Variants in MACROD2 observed in about 807,000 individuals in gnomAD.
The protein encoded by MACROD2 is ADP-ribose glycohydrolase MACROD2.
In MACROD2, 36 loss-of-function variants were observed where a neutral mutation model predicts 70.4. That is an observed-to-expected ratio of 0.51 (90% CI 0.39 to 0.68). The LOEUF (loss-of-function observed/expected upper bound fraction) is 0.68. MACROD2 is among the 30% of genes least tolerant of loss of function. The pLI is 0.00. For missense variants in MACROD2, 496 were observed against 538.4 expected, an observed-to-expected ratio of 0.92 and a Z score of 0.78; for synonymous variants, 172 against 178.8, an observed-to-expected ratio of 0.96 and a Z score of 0.30.
intron 3 of MACROD2, among the ~76,000 whole-genome samples, chr20:14,401,540 C>T (rs924907585): frequency 3.9e-5 from 6 of 152,040 alleles, no homozygotes; most frequent in Non-Finnish European, 8.8e-5. Context: ...CTAAATAAGT[C>T]ACACTTATTT....
intron 6 of MACROD2, among the ~76,000 whole-genome samples, chr20:15,360,139 G>T (rs1047769451): frequency 1.3e-5 from 2 of 152,010 alleles, no homozygotes; most frequent in Non-Finnish European, 2.9e-5. Flanking sequence ...TTCTCCACTC[G>T]GTATAATGAC....
chr20:14,517,735 T>C, intron 4 of MACROD2, among the ~76,000 whole-genome samples: 1 of 152,178 alleles, frequency 6.6e-6, no homozygotes, highest in South Asian at 2.1e-4. Flanking sequence ...TAGAAGTTCA[T>C]TTTTTTCCAC....
At chr20:15,111,254 A>T (rs413218) in intron 5 of MACROD2, among the ~76,000 whole-genome samples, 1 of 151,056 alleles carries the variant, frequency 6.6e-6, no homozygotes. Context: ...CTCACTGCAA[A>T]CTCTGCCACC....
chr20:14,170,119 C>T (rs953530211), intron 3 of MACROD2, among the ~76,000 whole-genome samples: 4 of 152,144 alleles, frequency 2.6e-5, no homozygotes, highest in Admixed American at 1.3e-4. Flanking sequence ...GTCTCGAACT[C>T]CTGATCTCAT....
chr20:14,324,663 C>T (rs1251777825), intron 3 of MACROD2: 1 of 152,004 alleles, frequency 6.6e-6, no homozygotes, highest in Non-Finnish European at 1.5e-5. Context: ...TAAACACTAA[C>T]AATTTTGTGT....
intron 3 of MACROD2, among the ~76,000 whole-genome samples, chr20:14,485,576 C>CTGTA (rs1464513153): frequency 6.6e-6 from 1 of 151,828 alleles, no homozygotes; most frequent in African/African-American, 2.4e-5. Context: ...TGGCAGGCAC[C>CTGTA]TGTAGTCCCA....
chr20:14,799,541 A>G (rs974767605), intron 5 of MACROD2, among the ~76,000 whole-genome samples: 6 of 152,124 alleles, frequency 3.9e-5, no homozygotes, highest in Non-Finnish European at 8.8e-5. Flanking sequence ...TAATAGGGTA[A>G]CATAACATCA....
intron 5 of MACROD2, among the ~76,000 whole-genome samples, chr20:14,802,857 GA>G (rs982070977): frequency 6.7e-6 from 1 of 149,758 alleles, no homozygotes; most frequent in African/African-American, 2.5e-5. Context: ...ATCTGCAAAA[GA>G]TTTTTTTTTC....
chr20:15,227,753 A>G (rs1342259028), intron 5 of MACROD2, among the ~76,000 whole-genome samples: 1 of 146,580 alleles, frequency 6.8e-6, no homozygotes, highest in Non-Finnish European at 1.5e-5. Context: ...GAGACGCACA[A>G]CTCCTTACGG....
intron 7 of MACROD2, among the ~76,000 whole-genome samples, chr20:15,497,877 A>G (rs1404222284): frequency 6.6e-6 from 1 of 152,048 alleles, no homozygotes; most frequent in Non-Finnish European, 1.5e-5. Flanking sequence ...CCTCCCCTAG[A>G]CTTTGGGCTT....
At chr20:14,072,487 C>A (rs1158785736) in intron 2 of MACROD2, among the ~76,000 whole-genome samples, 1 of 146,350 alleles carries the variant, frequency 6.8e-6, no homozygotes, top group Non-Finnish European at 1.5e-5. Context: ...GGTTCAAATC[C>A]CAGCCTTCTT....
intron 5 of MACROD2, among the ~76,000 whole-genome samples, chr20:15,139,222 G>T (rs1400500938): frequency 3.3e-5 from 5 of 152,136 alleles, no homozygotes; most frequent in African/African-American, 1.2e-4. Context: ...TTTTTATGAG[G>T]AAAACAATGA....
chr20:14,498,444 A>G (rs564768296), intron 4 of MACROD2, among the ~76,000 whole-genome samples: 5 of 152,318 alleles, frequency 3.3e-5, no homozygotes, highest in African/African-American at 1.2e-4. Flanking sequence ...TTGAGTTACT[A>G]TTGTTTGTCA....
chr20:15,156,798 C>A (rs2076309988), intron 5 of MACROD2, among the ~76,000 whole-genome samples: 1 of 152,136 alleles, frequency 6.6e-6, no homozygotes, highest in Non-Finnish European at 1.5e-5. Context: ...TTAGCAGACC[C>A]TCAGAAAACC....
chr20:14,714,016 A>G (rs2071368103), intron 5 of MACROD2, among the ~76,000 whole-genome samples: 1 of 152,154 alleles, frequency 6.6e-6, no homozygotes, highest in South Asian at 2.1e-4. Context: ...GCTGGGTTGA[A>G]GGACATAAAC....
At chr20:14,325,944 A>G in intron 3 of MACROD2, 1 of 1,613,894 alleles carries the variant, frequency 6.2e-7, no homozygotes. Context: ...GGTTTTTGTA[A>G]GGTTCTTTCT....
chr20:15,689,025 C>T (rs1202015324), intron 8 of MACROD2, among the ~76,000 whole-genome samples: 2 of 152,204 alleles, frequency 1.3e-5, no homozygotes, highest in South Asian at 4.1e-4. Context: ...TAGATTGGGC[C>T]GGGCGTGATG....
At chr20:15,345,036 C>T (rs983882537) in intron 6 of MACROD2, among the ~76,000 whole-genome samples, 1 of 152,160 alleles carries the variant, frequency 6.6e-6, no homozygotes, top group East Asian at 1.9e-4. Flanking sequence ...AGACTGCTCT[C>T]TTGTATCATC....
In MACROD2 at chr20:14,002,422, T is replaced by A. The variant is rs760764293; in HGVS notation, c.163+18T>A. Reference sequence around the variant, plus strand: ...AAATGATGGTAAGTTTCTCGGAACATTTTTTAGGTAGATATTTTTCCCATT... The same window carrying A: ...AAATGATGGTAAGTTTCTCGGAACAATTTTTAGGTAGATATTTTTCCCATT... On this transcript the variant is annotated intron_variant, in intron 2 of 17. Transcript: ENST00000684519. 1 of 1,476,490 alleles carries A rather than the reference T, an allele frequency of 6.8e-7. No homozygotes were observed. The highest frequency in any genetic ancestry group is 1.4e-5 in the African/African-American group (1 of 70,830). 91.5% of individuals were successfully genotyped at this position (1,476,490 alleles called of 1,614,324 possible). A position where few individuals can be genotyped will look rare whatever the true frequency, so the allele number is the denominator to read the frequency against.
Sources: gnomAD v4.1 joint callset for allele counts (sites outside exome capture counted in the v4.1 genomes callset) on GRCh38, gnomAD v4.1.1 for gene constraint, MANE v1.5 for transcripts, NCBI Gene and HGNC (gene_info 2026-07-23, HGNC 2026-07-21) for gene names.